RPH3AL: variants seen among roughly 807,000 people sequenced by gnomAD.
The protein encoded by RPH3AL is rabphilin 3A like (without C2 domains).
Under a neutral mutation model 43.1 loss-of-function variants are expected in RPH3AL, and 38 were observed. The ratio of observed to expected loss-of-function variants is 0.88; its 90% confidence interval spans 0.68 to 1.15. RPH3AL has a LOEUF of 1.15. Among genes scored for constraint, RPH3AL ranks in the 50% most tolerant of loss-of-function variants. The pLI is 0.00. For synonymous variants in RPH3AL, 189 were observed against 176.3 expected (o/e 1.07, Z -0.57); for missense variants, 462 against 423.2 (o/e 1.09, Z -0.81).
intron 7 of RPH3AL, among the ~76,000 whole-genome samples, chr17:243,176 T>C (rs796517113): frequency 0.013 from 1,093 of 84,996 alleles, no homozygotes; most frequent in East Asian, 0.037. Flanking sequence ...CCTCTATTGA[T>C]TACCCTTCCT....
At chr17:305,196 G>C (rs2043453605) in intron 5 of RPH3AL, among the ~76,000 whole-genome samples, 1 of 151,742 alleles carries the variant, frequency 6.6e-6, no homozygotes, top group South Asian at 2.1e-4. Flanking sequence ...CAGCCCAGGA[G>C]GTGGCAGGAG....
At chr17:242,304 CTT>C (rs2041564974) in intron 7 of RPH3AL, among the ~76,000 whole-genome samples, 1 of 140,644 alleles carries the variant, frequency 7.1e-6, no homozygotes. Flanking sequence ...TATTGATTAC[CTT>C]CCTCTATTGA....
chr17:312,161 C>T (rs1490207347), intron 5 of RPH3AL, among the ~76,000 whole-genome samples: 5 of 152,042 alleles, frequency 3.3e-5, no homozygotes, highest in African/African-American at 1.2e-4. Flanking sequence ...ATTAGACAGG[C>T]GTGGTGGCAC....
At chr17:238,363 C>T (rs1489733647) in intron 7 of RPH3AL, among the ~76,000 whole-genome samples, 6 of 152,084 alleles carry the variant, frequency 3.9e-5, no homozygotes, top group South Asian at 2.1e-4. Flanking sequence ...AGAAAAGAAA[C>T]GAAACTCCAG....
chr17:271,409 C>T (rs1016909300), intron 6 of RPH3AL, among the ~76,000 whole-genome samples: 3 of 152,170 alleles, frequency 2.0e-5, no homozygotes, highest in Non-Finnish European at 4.4e-5. Context: ...TATCCATGAG[C>T]ATGGAATGTT....
intron 7 of RPH3AL, among the ~76,000 whole-genome samples, chr17:232,874 GTGTGTGTGT>G: frequency 1.0e-5 from 1 of 96,654 alleles, no homozygotes; most frequent in African/African-American, 3.8e-5. Context: ...GTGTGTGTGT[GTGTGTGTGT>G]GTGTTGGCTT....
chr17:285,683 A>G (rs566230502), intron 5 of RPH3AL, among the ~76,000 whole-genome samples: 2 of 152,290 alleles, frequency 1.3e-5, no homozygotes, highest in South Asian at 4.1e-4. Context: ...ACCGCAAGGG[A>G]CAGCAGAGAA....
chr17:266,142 G>T (rs7224768), intron 6 of RPH3AL, among the ~76,000 whole-genome samples: 30,159 of 152,070 alleles, frequency 0.2, 3,371 homozygotes, highest in Middle Eastern at 0.29. Context: ...AGCGAAGTGA[G>T]ACCCCTTCCA....
At chr17:238,013 G>C (rs372919776) in intron 7 of RPH3AL, among the ~76,000 whole-genome samples, 4 of 152,034 alleles carry the variant, frequency 2.6e-5, no homozygotes, top group Non-Finnish European at 4.4e-5. Flanking sequence ...CAGGTGCGGT[G>C]GTACATGGCC....
intron 5 of RPH3AL, among the ~76,000 whole-genome samples, chr17:296,455 A>G (rs2043181928): frequency 6.6e-6 from 1 of 152,080 alleles, no homozygotes; most frequent in Non-Finnish European, 1.5e-5. Flanking sequence ...ATGAACGGGC[A>G]GAGGGAATGC....
At chr17:240,237 CAAAA>C (rs56048443) in intron 7 of RPH3AL, among the ~76,000 whole-genome samples, 2 of 140,204 alleles carry the variant, frequency 1.4e-5, no homozygotes, top group Admixed American at 7.2e-5. Flanking sequence ...AACTCCATCT[CAAAA>C]AAAAAAAAAA....
In RPH3AL at chr17:225,646, G is replaced by A. The variant is rs748712817; in HGVS notation, c.614-5910C>T. On this transcript the variant is annotated intron_variant, in intron 7 of 9. Coordinates refer to ENST00000331302, the MANE Select transcript of RPH3AL (RefSeq NM_006987.4). This position sits in a 1 kb window ranked among gnomAD's most constrained non-coding sequence, Gnocchi z 4.4. Reference sequence around the variant, plus strand: ...CAGGAGGACAGTCCTGCGGAGGGTGGGGTGGCTCGTCTGCACACCGGTTTC... The same window carrying A: ...CAGGAGGACAGTCCTGCGGAGGGTGAGGTGGCTCGTCTGCACACCGGTTTC... Among the ~76,000 whole-genome samples, 1 of 152,164 alleles carries A rather than the reference G, an allele frequency of 6.6e-6. No individual in the cohort carries two copies. Among genetic ancestry groups the A allele is most frequent in the Non-Finnish European group, 1.5e-5 (1 of 68,030 alleles).
rs530665563 is a variant in RPH3AL, at chr17:236,480, C to T, written c.613+10631G>A. 3.3e-5 allele frequency among the ~76,000 whole-genome samples: 5 copies of T among 151,758 alleles called. No homozygotes were observed. The East Asian group carries it at 5.8e-4, about 18-fold the overall frequency. On this transcript the variant is annotated intron_variant, in intron 7 of 9. Coordinates refer to ENST00000331302, the MANE Select transcript of RPH3AL (RefSeq NM_006987.4). ...CACGCCATCCGTTATGTTTGACTAT[C>T]GGACACAGAACAGAAATAATTGGGC...
intron 7 of RPH3AL, among the ~76,000 whole-genome samples, chr17:232,091 T>C (rs1204544650): frequency 6.9e-6 from 1 of 144,284 alleles, no homozygotes; most frequent in African/African-American, 2.9e-5. Context: ...CAAATTCGTG[T>C]GTGTGAGCTT....
rs548169665 is a variant in RPH3AL at position 345,107 on chromosome 17, A to AACACACACAC, written c.-213+7595_-213+7604dup. 5.2e-5 allele frequency among the ~76,000 whole-genome samples: 7 copies of AACACACACAC among 134,044 alleles called. 1 individual carries two copies. Among genetic ancestry groups the AACACACACAC allele is most frequent in the African/African-American group, 1.8e-4 (7 of 39,146 alleles). 87.9% of individuals were successfully genotyped at this position (134,044 alleles called of 152,430 possible). A position where few individuals can be genotyped will look rare whatever the true frequency, so the allele number is the denominator to read the frequency against. On this transcript the variant is annotated intron_variant, in intron 1 of 9. Coordinates refer to ENST00000331302, the MANE Select transcript of RPH3AL (RefSeq NM_006987.4). ...AACATGGTGAAACCTTGTCTCTGAA[A>AACACACACAC]ACACACACACACACAGAAAAAATTA...
In RPH3AL at chr17:318,920, A is replaced by G. The variant is rs7220460; in HGVS notation, c.351+500T>C. ...TTCAGGAAGATAGGATTTAACTAAT[A>G]ACAACTAAAAACATTTTTTCCTTGT... On this transcript the variant is annotated intron_variant, in intron 5 of 9. Coordinates refer to ENST00000331302, the MANE Select transcript of RPH3AL (RefSeq NM_006987.4). 9.0e-3 allele frequency among the ~76,000 whole-genome samples: 1,377 copies of G among 152,336 alleles called. 16 individuals are homozygous for G. The highest frequency in any genetic ancestry group is 0.031 in the African/African-American group (1,293 of 41,570).
intron 5 of RPH3AL, among the ~76,000 whole-genome samples, chr17:307,147 TCCTCC>T (rs2043509663): frequency 6.8e-6 from 1 of 147,650 alleles, no homozygotes; most frequent in African/African-American, 2.5e-5. Flanking sequence ...CCATGGCAGG[TCCTCC>T]CCATGGCAGG....
At chr17:310,910 A>G (rs1303272838) in intron 5 of RPH3AL, among the ~76,000 whole-genome samples, 1 of 151,954 alleles carries the variant, frequency 6.6e-6, no homozygotes, top group Non-Finnish European at 1.5e-5. Flanking sequence ...ACCACCCCCT[A>G]CAGCAGGGCC....
At position 215,827 on chromosome 17, in the gene RPH3AL, C is replaced by T. The variant is rs755906817; in HGVS notation, c.728-25G>A. On this transcript the variant is annotated intron_variant, in intron 8 of 9. Transcript: ENST00000331302. This position sits in a 1 kb window ranked among gnomAD's most constrained non-coding sequence, Gnocchi z 4.1. ...CCTGTGGGAAATCACGTGTGGGCCCCGTGGATCTCAAACCGAGACGGGGTG... is the reference window on the plus strand; with the variant it reads ...CCTGTGGGAAATCACGTGTGGGCCCTGTGGATCTCAAACCGAGACGGGGTG... 3.2e-5 allele frequency: 41 copies of T among 1,301,210 alleles called. No individual in the cohort carries two copies. Among genetic ancestry groups the T allele is most frequent in the Non-Finnish European group, 4.0e-5 (41 of 1,021,622 alleles). 80.6% of individuals were successfully genotyped at this position (1,301,210 alleles called of 1,614,324 possible).
Sources: allele counts gnomAD v4.1 joint callset (sites outside exome capture counted in the v4.1 genomes callset), GRCh38; gene constraint gnomAD v4.1.1; non-coding constraint Gnocchi (gnomAD v3.1); transcripts MANE v1.5; gene names NCBI Gene and HGNC (gene_info 2026-07-23, HGNC 2026-07-21).